The following RARB variants were observed in gnomAD, a reference collection of about 807,000 sequenced individuals.
RARB encodes the protein retinoic acid receptor beta.
A neutral mutation model predicts 51.9 loss-of-function variants in RARB; 17 were observed. That is an observed-to-expected ratio of 0.33 (90% CI 0.22 to 0.49). The LOEUF (loss-of-function observed/expected upper bound fraction) is 0.49, where lower values mean the gene tolerates loss of function less well. Ranked by LOEUF, RARB falls within the 20% of genes least tolerant of loss-of-function variation. The probability of loss-of-function intolerance (pLI) is 0.99; values close to 1 mark genes in which losing one functional copy is unlikely to be tolerated. For missense variants in RARB, 369 were observed against 550.8 expected, an observed-to-expected ratio of 0.67 and a Z score of 3.30; for synonymous variants, 215 against 195.4, an observed-to-expected ratio of 1.10 and a Z score of -0.84.
At chr3:25,437,541 C>T (rs1024038693) in intron 1 of RARB, among the ~76,000 whole-genome samples, 5 of 152,106 alleles carry the variant, frequency 3.3e-5, no homozygotes, top group African/African-American at 7.2e-5. Flanking sequence ...GAACTTGTGA[C>T]ACAAGTCGTT....
chr3:24,926,027 C>T (rs940508482), intron 2 of RARB, among the ~76,000 whole-genome samples: 6 of 152,110 alleles, frequency 3.9e-5, no homozygotes, highest in Non-Finnish European at 8.8e-5. Flanking sequence ...AGAATACTTC[C>T]TTGCAAAGTG....
intron 5 of RARB, among the ~76,000 whole-genome samples, chr3:25,360,936 G>T (rs893584010): frequency 6.6e-6 from 1 of 152,134 alleles, no homozygotes; most frequent in Non-Finnish European, 1.5e-5. Flanking sequence ...CAACCTTGCT[G>T]AATCTGATGA....
chr3:25,381,375 G>C (rs181273758), intron 5 of RARB, among the ~76,000 whole-genome samples: 1 of 152,270 alleles, frequency 6.6e-6, no homozygotes. Flanking sequence ...GACTTCCTGT[G>C]TTCCCGCACC....
chr3:25,333,684 A>G (rs1032570860), intron 5 of RARB, among the ~76,000 whole-genome samples: 1 of 152,218 alleles, frequency 6.6e-6, no homozygotes. Flanking sequence ...AATGGGATCT[A>G]ATTAAACTAA....
chr3:24,950,726 A>T (rs73034819), intron 2 of RARB, among the ~76,000 whole-genome samples: 1 of 149,364 alleles, frequency 6.7e-6, no homozygotes, highest in African/African-American at 2.5e-5. Flanking sequence ...AAAAAAAAAA[A>T]AGGTGATTTG....
chr3:24,979,203 T>C (rs1696585257), intron 2 of RARB, among the ~76,000 whole-genome samples: 1 of 152,230 alleles, frequency 6.6e-6, no homozygotes, highest in Admixed American at 6.5e-5. Flanking sequence ...AAGTGCGATG[T>C]GGTGCTGAGA....
chr3:25,059,495 C>T (rs1698505517), intron 2 of RARB, among the ~76,000 whole-genome samples: 1 of 151,766 alleles, frequency 6.6e-6, no homozygotes, highest in African/African-American at 2.4e-5. Context: ...TTTTAGTAGT[C>T]ATAAAATGAC....
intron 5 of RARB, among the ~76,000 whole-genome samples, chr3:25,204,755 C>T (rs1388461066): frequency 1.3e-5 from 2 of 152,152 alleles, no homozygotes; most frequent in Non-Finnish European, 2.9e-5. Context: ...TGGCAAACAG[C>T]AAATGTTGCT....
intron 2 of RARB, among the ~76,000 whole-genome samples, chr3:24,904,070 A>G (rs191347465): frequency 6.8e-4 from 103 of 152,330 alleles, no homozygotes; most frequent in African/African-American, 2.3e-3. Context: ...TTTTAGAAAC[A>G]ACAAATGTTA....
chr3:25,035,782 T>A (rs1200369729), intron 2 of RARB, among the ~76,000 whole-genome samples: 1 of 152,218 alleles, frequency 6.6e-6, no homozygotes, highest in African/African-American at 2.4e-5. Flanking sequence ...TGGGTGTGGC[T>A]GTGTTCCAGT....
intron 1 of RARB, among the ~76,000 whole-genome samples, chr3:24,858,311 C>T (rs1702671967): frequency 6.6e-6 from 1 of 151,910 alleles, no homozygotes; most frequent in Non-Finnish European, 1.5e-5. Context: ...GCTATTGGGT[C>T]AAAGGTCCAT....
chr3:25,330,308 C>T (rs572327723), intron 5 of RARB, among the ~76,000 whole-genome samples: 6 of 152,278 alleles, frequency 3.9e-5, no homozygotes, highest in Admixed American at 2.6e-4. Flanking sequence ...AGACTAACAG[C>T]GGATCTCTCG....
At chr3:24,860,643 G>A (rs1392999859) in intron 2 of RARB, among the ~76,000 whole-genome samples, 1 of 152,130 alleles carries the variant, frequency 6.6e-6, no homozygotes, top group African/African-American at 2.4e-5. Flanking sequence ...ACCCTTTACA[G>A]AAGAGAGCAT....
intron 2 of RARB, among the ~76,000 whole-genome samples, chr3:24,928,256 C>A (rs192566769): frequency 1.3e-5 from 2 of 151,950 alleles, no homozygotes; most frequent in East Asian, 3.9e-4. Context: ...AAAAGTATCT[C>A]TGGTCTTGGT....
At chr3:24,961,667 G>A (rs1165963921) in intron 2 of RARB, among the ~76,000 whole-genome samples, 1 of 152,158 alleles carries the variant, frequency 6.6e-6, no homozygotes, top group Non-Finnish European at 1.5e-5. Context: ...TTATCTCAGA[G>A]TATTGGAAGT....
At chr3:25,242,824 GT>G (rs1363980374) in intron 5 of RARB, among the ~76,000 whole-genome samples, 3 of 152,122 alleles carry the variant, frequency 2.0e-5, no homozygotes, top group Non-Finnish European at 4.4e-5. Context: ...ATTTAAAGAA[GT>G]TTTTTCCAAT....
chr3:25,386,525 C>T (rs1047406396), intron 5 of RARB, among the ~76,000 whole-genome samples: 2 of 152,246 alleles, frequency 1.3e-5, no homozygotes, highest in East Asian at 1.9e-4. Flanking sequence ...CAAAACTACT[C>T]GAGAGGTTGT....
chr3:25,228,331 G>T (rs1490663295), intron 5 of RARB, among the ~76,000 whole-genome samples: 1 of 140,074 alleles, frequency 7.1e-6, no homozygotes, highest in African/African-American at 2.7e-5. Context: ...GTTTCCCTTT[G>T]CATTTATGTT....
At chr3:25,002,131 C>A (rs1202076675) in intron 2 of RARB, among the ~76,000 whole-genome samples, 1 of 152,212 alleles carries the variant, frequency 6.6e-6, no homozygotes, top group East Asian at 1.9e-4. Context: ...ATATGGGCTC[C>A]TGAAGTTAAA....
Sources: allele counts gnomAD v4.1 joint callset (sites outside exome capture counted in the v4.1 genomes callset), GRCh38; gene constraint gnomAD v4.1.1; transcripts MANE v1.5; gene names NCBI Gene and HGNC (gene_info 2026-07-23, HGNC 2026-07-21).